The following ELSPBP1 variants were observed in gnomAD, a reference collection of about 807,000 sequenced individuals.
ELSPBP1 encodes epididymal sperm binding protein 1.
In ELSPBP1, 38 loss-of-function variants were observed where a neutral mutation model predicts 33.3. The ratio of observed to expected loss-of-function variants is 1.14; its 90% CI spans 0.88 to 1.50. The LOEUF (loss-of-function observed/expected upper bound fraction) is 1.50, where lower values mean the gene tolerates loss of function less well. Ranked by LOEUF, ELSPBP1 falls within the 40% of genes most tolerant of loss-of-function variation. The pLI is 0.00. For synonymous variants in ELSPBP1, 85 were observed against 94.1 expected (o/e 0.90, Z 0.56); for missense variants, 267 against 263.5 (o/e 1.01, Z -0.09).
intron 6 of ELSPBP1, among the ~76,000 whole-genome samples, chr19:48,023,284 G>A (rs1347894309): frequency 1.5e-5 from 2 of 136,788 alleles, no homozygotes; most frequent in African/African-American, 5.5e-5. Context: ...AAGAAAGGAG[G>A]GAGGAAAGGA....
chr19:48,003,913 T>G, intron 1 of ELSPBP1, among the ~76,000 whole-genome samples: 1 of 138,238 alleles, frequency 7.2e-6, no homozygotes, highest in African/African-American at 2.9e-5. Flanking sequence ...TCTATTCTAT[T>G]CTATTCTATT....
intron 1 of ELSPBP1, among the ~76,000 whole-genome samples, chr19:48,005,296 G>A (rs747677695): frequency 1.3e-5 from 2 of 152,156 alleles, no homozygotes; most frequent in African/African-American, 2.4e-5. Context: ...TATCAGTGAG[G>A]CAACAGGACA....
intron 1 of ELSPBP1, among the ~76,000 whole-genome samples, chr19:48,006,640 A>AGC (rs1400127230): frequency 6.9e-6 from 1 of 145,070 alleles, no homozygotes; most frequent in Admixed American, 7.1e-5. Context: ...AAAAAAAAAA[A>AGC]AAAAAAAGAA....
At chr19:48,018,965 C>T (rs576363065) in intron 4 of ELSPBP1, among the ~76,000 whole-genome samples, 1 of 152,048 alleles carries the variant, frequency 6.6e-6, no homozygotes, top group Non-Finnish European at 1.5e-5. Flanking sequence ...ACCTGCCTGG[C>T]CAACATGGTG....
chr19:48,012,032 T>C (rs187497243), intron 2 of ELSPBP1, among the ~76,000 whole-genome samples: 3,799 of 152,314 alleles, frequency 0.025, 76 homozygotes, highest in Middle Eastern at 0.048. Context: ...TTTCATGTAA[T>C]GAGGAATTTG....
rs1967208250 is a variant in ELSPBP1, at chr19:48,022,187, C to T, written c.532C>T (p.Pro178Ser). 1.2e-6 allele frequency: 2 copies of T among 1,612,600 alleles called. No homozygotes were observed. Among genetic ancestry groups the T allele is most frequent in the Non-Finnish European group, 8.5e-7 (1 of 1,179,392 alleles). The change falls in exon 6 of 7, where the codon CCT (proline) becomes TCT (serine). Residue 178 changes from proline to serine, a missense_variant. Physicochemically the swap from Pro to Ser is moderately conservative, Grantham distance 74. Transcript: ENST00000339841. ...CTTCCTAGGAATTTCCGCGTTGGTC[C>T]CTGGCTTTCCTTGTCACTTTCCGTT... is the stretch of plus-strand genomic sequence containing the variant. ...CADTRISALV[P>S]GFPCHFPFNY...
chr19:47,998,659 C>T (rs1029046372), intron 1 of ELSPBP1, among the ~76,000 whole-genome samples: 1 of 151,868 alleles, frequency 6.6e-6, no homozygotes, highest in African/African-American at 2.4e-5. Flanking sequence ...TGGTGGTGGG[C>T]GCCTGTAGTC....
chr19:48,019,698 C>A (rs1239287788), intron 4 of ELSPBP1, 21 bp from the exon 5 acceptor site: 1 of 1,609,644 alleles, frequency 6.2e-7, no homozygotes. Flanking sequence ...TGACCCGTAA[C>A]CTTTCCATAA....
chr19:48,016,115 G>T, intron 4 of ELSPBP1, 76 bp downstream of exon 4: 1 of 1,553,056 alleles, frequency 6.4e-7, no homozygotes, highest in Non-Finnish European at 8.8e-7. Flanking sequence ...AGGGGAGGCT[G>T]GGCAAGGTAG....
chr19:47,997,980 C>A (rs1023656235), intron 1 of ELSPBP1, among the ~76,000 whole-genome samples: 10 of 152,294 alleles, frequency 6.6e-5, no homozygotes, highest in South Asian at 4.1e-4. Context: ...GGAAAACACT[C>A]TGTACATGTA....
chr19:47,999,116 T>C (rs1439265859), intron 1 of ELSPBP1, among the ~76,000 whole-genome samples: 1 of 152,246 alleles, frequency 6.6e-6, no homozygotes, highest in African/African-American at 2.4e-5. Context: ...AAACATCACC[T>C]GCTCAGAGAG....
intron 2 of ELSPBP1, among the ~76,000 whole-genome samples, chr19:48,010,903 T>C (rs1354895421): frequency 1.3e-5 from 2 of 152,176 alleles, no homozygotes; most frequent in Non-Finnish European, 2.9e-5. Context: ...CTCCCAAAGA[T>C]AACCTTAATT....
In ELSPBP1 at chr19:48,003,009, C is replaced by T. The variant is rs16982055; in HGVS notation, c.-17-5642C>T. 9.4e-3 allele frequency among the ~76,000 whole-genome samples: 1,432 copies of T among 152,168 alleles called. 41 individuals are homozygous for T. The highest frequency in any genetic ancestry group is 0.067 in the Admixed American group (1,030 of 15,270). On this transcript the variant is annotated intron_variant, in intron 1 of 6. Transcript: ENST00000339841. ...TCCATAGCCACAGCAACCCTTTTTC[C>T]GACCAGCCAAGAAACAGCAGCGGTG...
chr19:48,018,506 T>A (rs748758171), intron 4 of ELSPBP1, among the ~76,000 whole-genome samples: 3 of 152,212 alleles, frequency 2.0e-5, no homozygotes, highest in African/African-American at 4.8e-5. Flanking sequence ...GTAATAATTA[T>A]CATAACATAA....
chr19:48,007,300 C>T (rs1967031597), intron 1 of ELSPBP1, among the ~76,000 whole-genome samples: 1 of 152,142 alleles, frequency 6.6e-6, no homozygotes. Flanking sequence ...GACAGGCCCG[C>T]ACTGACTCTG....
At chr19:48,021,027 G>A (rs1483339352) in intron 5 of ELSPBP1, among the ~76,000 whole-genome samples, 1 of 152,178 alleles carries the variant, frequency 6.6e-6, no homozygotes, top group African/African-American at 2.4e-5. Context: ...ACCCTCTGTT[G>A]CCTCAAGCTG....
In ELSPBP1 at chr19:48,018,796, T is replaced by TA. The variant is rs1055736533; in HGVS notation, c.356-913dup. 5.4e-3 allele frequency among the ~76,000 whole-genome samples: 797 copies of TA among 148,360 alleles called. 1 individual carries two copies. The highest frequency in any genetic ancestry group is 0.016 in the African/African-American group (645 of 40,512). ...CCCATGAAAGACCACCAAAGGAAAT[T>TA]AAAAAAAAAAGCCTGCTAATTAGGC... On this transcript the variant is annotated intron_variant, in intron 4 of 6. Coordinates refer to ENST00000339841, the MANE Select transcript of ELSPBP1 (RefSeq NM_022142.5).
chr19:47,997,166 A>G (rs916879482), intron 1 of ELSPBP1, among the ~76,000 whole-genome samples: 13 of 152,214 alleles, frequency 8.5e-5, no homozygotes, highest in South Asian at 4.1e-4. Flanking sequence ...AGGCCCCGGC[A>G]CAGCGCTTTG....
Position 48,008,731 on chromosome 19 carries a change from A to G in ELSPBP1, c.64A>G (p.Ser22Gly). ...CTTCCTTCTCTATTCCTATGAGTCA[A>G]GTGGAGGTAAGGACACTCAAAGCAA... ...TTFLLYSYES[S>G]GGMHEECVFP... Residue 22 changes from serine to glycine, a missense_variant, in exon 2 of 7, where the codon AGT (serine) becomes GGT (glycine). Coordinates refer to ENST00000339841, the MANE Select transcript of ELSPBP1 (RefSeq NM_022142.5). The G allele has an allele frequency of 6.2e-7, 1 of 1,613,480 alleles. No homozygotes were observed. The highest frequency in any genetic ancestry group is 1.3e-5 in the African/African-American group (1 of 75,006).
Sources: allele counts gnomAD v4.1 joint callset (sites outside exome capture counted in the v4.1 genomes callset), GRCh38; gene constraint gnomAD v4.1.1; transcripts MANE v1.5; gene names NCBI Gene and HGNC (gene_info 2026-07-23, HGNC 2026-07-21).